The following LUZP2 variants were observed in gnomAD, a reference collection of about 807,000 sequenced individuals.
The protein encoded by LUZP2 is leucine zipper protein 2.
In LUZP2, 52 loss-of-function variants were observed where a neutral mutation model predicts 51.6. That is an observed-to-expected ratio of 1.01 (90% CI 0.81 to 1.27). LUZP2 has a LOEUF of 1.27. Among genes scored for constraint, LUZP2 ranks in the 50% most tolerant of loss-of-function variants. LUZP2 has a pLI of 0.00. For missense variants in LUZP2, 436 were observed against 395.4 expected (o/e 1.10, Z -0.87); for synonymous variants, 154 against 137.3 (o/e 1.12, Z -0.85).
intron 1 of LUZP2, among the ~76,000 whole-genome samples, chr11:24,645,250 C>T (rs967580804): frequency 1.1e-4 from 17 of 152,088 alleles, no homozygotes; most frequent in Non-Finnish European, 4.4e-5. Flanking sequence ...TCCCCACCTC[C>T]CTTTCCATTG....
chr11:24,923,929 T>C (rs533039347), intron 7 of LUZP2, among the ~76,000 whole-genome samples: 66 of 152,262 alleles, frequency 4.3e-4, no homozygotes, highest in Non-Finnish European at 8.7e-4. Context: ...TAAGTAAAAA[T>C]GCAGATTCAC....
intron 1 of LUZP2, among the ~76,000 whole-genome samples, chr11:24,640,342 C>T (rs71474714): frequency 0.013 from 2,008 of 151,908 alleles, 50 homozygotes; most frequent in African/African-American, 0.027. Flanking sequence ...CAAGAGATGA[C>T]TGGTACCAAT....
chr11:24,528,095 A>G (rs1015753578), intron 1 of LUZP2, among the ~76,000 whole-genome samples: 1 of 151,178 alleles, frequency 6.6e-6, no homozygotes, highest in African/African-American at 2.4e-5. Flanking sequence ...TTTTTTGATG[A>G]AGCATAAGAG....
intron 5 of LUZP2, among the ~76,000 whole-genome samples, chr11:24,837,430 T>C (rs887621787): frequency 2.0e-5 from 3 of 151,696 alleles, no homozygotes; most frequent in African/African-American, 7.2e-5. Flanking sequence ...AGCTGCAGAA[T>C]GCTGCGATCT....
At chr11:24,665,308 A>G (rs963507624) in intron 1 of LUZP2, among the ~76,000 whole-genome samples, 4 of 152,156 alleles carry the variant, frequency 2.6e-5, no homozygotes, top group African/African-American at 9.7e-5. Context: ...ACTCCATCGT[A>G]CCTAGAAAGT....
At chr11:24,821,303 G>T (rs1288840842) in intron 5 of LUZP2, among the ~76,000 whole-genome samples, 1 of 152,070 alleles carries the variant, frequency 6.6e-6, no homozygotes, top group South Asian at 2.1e-4. Context: ...CTAGAACACA[G>T]TGCATATTCA....
intron 1 of LUZP2, among the ~76,000 whole-genome samples, chr11:24,541,192 G>T (rs1184856492): frequency 6.9e-6 from 1 of 145,668 alleles, no homozygotes; most frequent in Non-Finnish European, 1.5e-5. Flanking sequence ...GACAGAAGTT[G>T]CAGTAAGCCA....
chr11:24,619,329 A>G lies in LUZP2; in HGVS notation c.63-109840A>G, dbSNP rs573183946. On this transcript the variant is annotated intron_variant, in intron 1 of 11. Coordinates refer to ENST00000336930, the MANE Select transcript of LUZP2 (RefSeq NM_001009909.4). Reference sequence around the variant, plus strand: ...GATTATGGGTGTATGTCACCCTGCCAGAGGCCAACTTAGCATTTTAAATCA... The same window carrying G: ...GATTATGGGTGTATGTCACCCTGCCGGAGGCCAACTTAGCATTTTAAATCA... 2.8e-4 allele frequency among the ~76,000 whole-genome samples: 42 copies of G among 152,142 alleles called. 1 individual carries two copies. The highest frequency in any genetic ancestry group is 8.8e-5 in the Non-Finnish European group (6 of 68,016).
chr11:25,029,852 ATGT>A (rs1857596231), intron 9 of LUZP2, among the ~76,000 whole-genome samples: 1 of 151,886 alleles, frequency 6.6e-6, no homozygotes, highest in East Asian at 1.9e-4. Flanking sequence ...ACTATTGTAT[ATGT>A]TGTTTTGTGA....
At chr11:24,965,657 A>G (rs1297125704) in intron 7 of LUZP2, among the ~76,000 whole-genome samples, 1 of 151,886 alleles carries the variant, frequency 6.6e-6, no homozygotes, top group African/African-American at 2.4e-5. Context: ...ATAATTTTAC[A>G]TATAAATTTT....
intron 9 of LUZP2, among the ~76,000 whole-genome samples, chr11:25,017,886 T>G (rs1052358530): frequency 1.3e-5 from 2 of 152,290 alleles, no homozygotes; most frequent in African/African-American, 4.8e-5. Context: ...GTTATCTTCA[T>G]GATAATGATT....
intron 1 of LUZP2, among the ~76,000 whole-genome samples, chr11:24,688,842 A>T (rs1330727462): frequency 6.6e-6 from 1 of 152,120 alleles, no homozygotes; most frequent in African/African-American, 2.4e-5. Flanking sequence ...GTAGCCATTT[A>T]TACAACCTGA....
At position 25,047,228 on chromosome 11, in the gene LUZP2, A is replaced by G. The variant is rs528791682; in HGVS notation, c.766-2810A>G. Among the ~76,000 whole-genome samples, 371 of 152,192 alleles carry G rather than the reference A, an allele frequency of 2.4e-3. 2 individuals carry two copies. Among genetic ancestry groups the G allele is most frequent in the African/African-American group, 8.6e-3 (355 of 41,520 alleles). ...TCTTTTTAACCTGTTTCCTCAAAGCATCTGCAAGTTTGTGGTTATGGGAAG... is the reference window on the plus strand; with the variant it reads ...TCTTTTTAACCTGTTTCCTCAAAGCGTCTGCAAGTTTGTGGTTATGGGAAG... On this transcript the variant is annotated intron_variant, in intron 9 of 11. Transcript: ENST00000336930.
intron 1 of LUZP2, among the ~76,000 whole-genome samples, chr11:24,514,921 C>G (rs1320346176): frequency 6.6e-6 from 1 of 152,110 alleles, no homozygotes; most frequent in East Asian, 1.9e-4. Flanking sequence ...AGACTTTTTA[C>G]ATGACTTTAG....
At chr11:24,730,480 C>G (rs532125381) in intron 2 of LUZP2, among the ~76,000 whole-genome samples, 60 of 151,616 alleles carry the variant, frequency 4.0e-4, no homozygotes, top group African/African-American at 1.3e-3. Flanking sequence ...CAGGAATCAT[C>G]GTGTTATGAT....
intron 1 of LUZP2, among the ~76,000 whole-genome samples, chr11:24,589,590 A>C (rs1172466920): frequency 6.6e-6 from 1 of 152,214 alleles, no homozygotes; most frequent in Non-Finnish European, 1.5e-5. Flanking sequence ...CACTCGAAGG[A>C]ATTGAAAAGA....
At chr11:24,865,486 T>C (rs1325572289) in intron 5 of LUZP2, among the ~76,000 whole-genome samples, 2 of 152,158 alleles carry the variant, frequency 1.3e-5, no homozygotes, top group Non-Finnish European at 2.9e-5. Flanking sequence ...TTGCTGCTTC[T>C]TTTCAGTCCT....
At chr11:24,691,108 A>G in intron 1 of LUZP2, among the ~76,000 whole-genome samples, 1 of 152,114 alleles carries the variant, frequency 6.6e-6, no homozygotes, top group East Asian at 1.9e-4. Flanking sequence ...TTTTACAGCA[A>G]AAAATCTGTA....
At chr11:24,824,054 C>T (rs1174962634) in intron 5 of LUZP2, among the ~76,000 whole-genome samples, 1 of 148,362 alleles carries the variant, frequency 6.7e-6, no homozygotes, top group Non-Finnish European at 1.5e-5. Context: ...CAGAGCGAGA[C>T]ACTGTCTAAA....
Sources: allele counts gnomAD v4.1 joint callset (sites outside exome capture counted in the v4.1 genomes callset), GRCh38; gene constraint gnomAD v4.1.1; transcripts MANE v1.5; gene names NCBI Gene and HGNC (gene_info 2026-07-23, HGNC 2026-07-21).